KLHDC4: variants seen among roughly 807,000 people sequenced by gnomAD.
KLHDC4 encodes kelch domain-containing protein 4.
A neutral mutation model predicts 62.4 loss-of-function variants in KLHDC4; 90 were observed. That is an observed-to-expected ratio of 1.44 (90% CI 1.22 to 1.72). KLHDC4 has a LOEUF of 1.72. Ranked by LOEUF, KLHDC4 falls within the 40% of genes most tolerant of loss-of-function variation. KLHDC4 has a pLI of 0.00. For synonymous variants in KLHDC4, 386 were observed against 284.4 expected (o/e 1.36, Z -3.59); for missense variants, 1,025 against 699.7 (o/e 1.47, Z -5.25).
intron 8 of KLHDC4, 24 bp from the exon 9 acceptor site, chr16:87,711,467 G>C: frequency 6.3e-7 from 1 of 1,589,746 alleles, no homozygotes; most frequent in Non-Finnish European, 8.5e-7. Context: ...ACAAGGAAGT[G>C]GGATAAGAAC....
chr16:87,702,984 G>A (rs1221591136), downstream of KLHDC4: 2 of 152,212 alleles, frequency 1.3e-5, no homozygotes, highest in Non-Finnish European at 2.9e-5. Flanking sequence ...AAATCATACT[G>A]TTACGAAAAC....
intron 7 of KLHDC4, among the ~76,000 whole-genome samples, chr16:87,717,556 C>A (rs935990763): frequency 2.6e-5 from 4 of 152,188 alleles, no homozygotes; most frequent in Non-Finnish European, 5.9e-5. Context: ...TTTTGTTCTC[C>A]TTCTGGAAAC....
At chr16:87,750,041 G>A (rs1037787112) in intron 4 of KLHDC4, among the ~76,000 whole-genome samples, 2 of 152,142 alleles carry the variant, frequency 1.3e-5, no homozygotes, top group East Asian at 1.9e-4. Context: ...CATCCCTGAC[G>A]GGTCATCAGA....
At chr16:87,757,362 G>A (rs989976996) in intron 2 of KLHDC4, 2 of 151,704 alleles carry the variant, frequency 1.3e-5, no homozygotes, top group African/African-American at 4.8e-5. Context: ...CAGCTACTCG[G>A]GAGGCTGAGG....
chr16:87,701,750 C>T (rs1307379929), exon 1 of KLHDC4: 21 of 456,672 alleles, frequency 4.6e-5, no homozygotes, highest in African/African-American at 1.0e-4. Flanking sequence ...GCCGCCCGCC[C>T]GTCCTCCCAA....
chr16:87,759,326 G>A (rs2045508087), intron 2 of KLHDC4, among the ~76,000 whole-genome samples: 1 of 150,512 alleles, frequency 6.6e-6, no homozygotes, highest in Admixed American at 6.6e-5. Flanking sequence ...TCTGAGGTCA[G>A]GAATTTGAGG....
intron 5 of KLHDC4, among the ~76,000 whole-genome samples, chr16:87,732,135 G>A (rs1267591555): frequency 2.4e-5 from 3 of 125,540 alleles, no homozygotes; most frequent in Non-Finnish European, 3.3e-5. Context: ...TTTCATTCTT[G>A]CCCAGGCCGG....
At chr16:87,711,120 G>C (rs1479456332) in intron 9 of KLHDC4, 115 bp downstream of exon 9, 1 of 967,834 alleles carries the variant, frequency 1.0e-6, no homozygotes, top group African/African-American at 1.6e-5. Flanking sequence ...CCTCTTGAGA[G>C]AGCTCATGGG....
chr16:87,751,395 G>A (rs922440046), intron 4 of KLHDC4, among the ~76,000 whole-genome samples: 2 of 151,564 alleles, frequency 1.3e-5, no homozygotes, highest in Non-Finnish European at 2.9e-5. Context: ...AATCGCTTGA[G>A]CCTGGGAGGC....
At chr16:87,706,575 A>T (rs2034760478), downstream of KLHDC4, among the ~76,000 whole-genome samples, 1 of 152,212 alleles carries the variant, frequency 6.6e-6, no homozygotes, top group Non-Finnish European at 1.5e-5. Context: ...GGCAGTGCCC[A>T]GAGCCTTCCC....
At chr16:87,700,826 G>A (rs1461350224) in exon 1 of KLHDC4, 4 of 233,656 alleles carry the variant, frequency 1.7e-5, no homozygotes, top group Non-Finnish European at 3.3e-5. Flanking sequence ...GGCAGAGGGA[G>A]GAGGTTGGAG....
In KLHDC4 at chr16:87,718,422, G is replaced by A. The variant is rs1268436425; in HGVS notation, c.760-3849C>T. On this transcript the variant is annotated intron_variant, in intron 7 of 11. Transcript: ENST00000270583. ...CCACGGTCTCCCTCTGATGCCGAGC[G>A]GAGGCTGGACTGTACTGCCGCCATC... Among the ~76,000 whole-genome samples, 8 of 148,484 alleles carry A rather than the reference G, an allele frequency of 5.4e-5. No individual in the cohort carries two copies. The South Asian group carries it at 1.1e-3, about 21-fold the overall frequency.
At chr16:87,706,546 G>C (rs1201261110), downstream of KLHDC4, among the ~76,000 whole-genome samples, 1 of 152,204 alleles carries the variant, frequency 6.6e-6, no homozygotes, top group African/African-American at 2.4e-5. Flanking sequence ...CACCAGACAG[G>C]TGTCCCCACC....
Position 87,730,587 on chromosome 16 carries a change from T to C in KLHDC4, c.564A>G (p.Gln188=), listed in dbSNP as rs191241806. ...SGHRMVAWKR[Q]LILFGGFHES... ...CATGGAAGCCACCAAACAGGATCAA[T>C]TGTCTCTTCCAGGCCACCATCCGAT... The change falls in exon 6 of 12, where the codon CAA becomes CAG. Residue 188 remains glutamine (Q), a synonymous_variant. Transcript: ENST00000270583. 4.0e-5 allele frequency: 64 copies of C among 1,613,058 alleles called. No individual in the cohort carries two copies. The highest frequency in any genetic ancestry group is 3.7e-4 in the African/African-American group (28 of 74,986).
At chr16:87,765,684 G>A in intron 1 of KLHDC4, 108 bp downstream of exon 1, 2 of 1,082,518 alleles carry the variant, frequency 1.8e-6, no homozygotes, top group Non-Finnish European at 2.6e-6. Flanking sequence ...TCTCCCGCAG[G>A]GCCGGCGCGG....
intron 7 of KLHDC4, among the ~76,000 whole-genome samples, chr16:87,720,526 G>A (rs2038069364): frequency 6.6e-6 from 1 of 151,538 alleles, no homozygotes. Context: ...CACAGGTGAT[G>A]AGCCCCTGCG....
chr16:87,753,607 C>G (rs975882924), intron 4 of KLHDC4, among the ~76,000 whole-genome samples: 11 of 150,928 alleles, frequency 7.3e-5, no homozygotes, highest in Non-Finnish European at 4.4e-5. Flanking sequence ...CGAAACCAGC[C>G]TGGCCAACAT....
At chr16:87,745,796 C>T (rs774824808) in intron 5 of KLHDC4, among the ~76,000 whole-genome samples, 2 of 152,092 alleles carry the variant, frequency 1.3e-5, no homozygotes, top group Non-Finnish European at 1.5e-5. Flanking sequence ...GGAGAGAATG[C>T]GGAAAGGGAC....
intron 6 of KLHDC4, among the ~76,000 whole-genome samples, chr16:87,728,110 C>A (rs1018624358): frequency 3.9e-5 from 6 of 152,130 alleles, no homozygotes; most frequent in African/African-American, 1.4e-4. Flanking sequence ...TAGTTTGAAC[C>A]TACGAGGTGG....
Sources: gnomAD v4.1 joint callset for allele counts (sites outside exome capture counted in the v4.1 genomes callset) on GRCh38, gnomAD v4.1.1 for gene constraint, MANE v1.5 for transcripts, NCBI Gene and HGNC (gene_info 2026-07-23, HGNC 2026-07-21) for gene names.